Variants in KLHL1 observed in about 807,000 individuals in gnomAD.
The protein encoded by KLHL1 is kelch like family member 1, also known as kelch-like protein 1.
In KLHL1, 47 loss-of-function variants were observed where a neutral mutation model predicts 77.7. The ratio of observed to expected loss-of-function variants is 0.60; its 90% CI spans 0.48 to 0.77. The LOEUF (loss-of-function observed/expected upper bound fraction) is 0.77, where lower values mean the gene tolerates loss of function less well. KLHL1 is among the 30% of genes least tolerant of loss of function. KLHL1 has a pLI of 0.00. For synonymous variants in KLHL1, 360 were observed against 325.2 expected (o/e 1.11, Z -1.15); for missense variants, 925 against 910.8 (o/e 1.02, Z -0.20).
intron 6 of KLHL1, among the ~76,000 whole-genome samples, chr13:69,824,886 T>A (rs776235315): frequency 1.3e-5 from 2 of 152,076 alleles, no homozygotes; most frequent in Non-Finnish European, 2.9e-5. Flanking sequence ...GATTTGCACA[T>A]CTCAATGAAT....
intron 5 of KLHL1, among the ~76,000 whole-genome samples, chr13:69,843,070 A>G (rs1879329502): frequency 6.6e-6 from 1 of 151,650 alleles, no homozygotes; most frequent in African/African-American, 2.4e-5. Flanking sequence ...AAGGAAGCAA[A>G]CTGAGTTAAA....
At chr13:69,984,931 A>T (rs1045760401) in intron 1 of KLHL1, among the ~76,000 whole-genome samples, 8 of 152,096 alleles carry the variant, frequency 5.3e-5, no homozygotes, top group African/African-American at 1.9e-4. Flanking sequence ...CAACATGGAG[A>T]AACCTGGTCT....
intron 1 of KLHL1, among the ~76,000 whole-genome samples, chr13:70,070,817 C>G (rs1373991229): frequency 6.6e-6 from 1 of 152,004 alleles, no homozygotes; most frequent in African/African-American, 2.4e-5. Context: ...GGTACTTCTA[C>G]TACCTGTGAA....
intron 6 of KLHL1, among the ~76,000 whole-genome samples, chr13:69,808,299 T>C (rs1039375957): frequency 1.3e-5 from 2 of 152,118 alleles, no homozygotes; most frequent in African/African-American, 4.8e-5. Context: ...TCCTTCTCTG[T>C]TGCTTCTGTT....
intron 5 of KLHL1, among the ~76,000 whole-genome samples, chr13:69,876,322 G>C (rs375499431): frequency 1.9e-4 from 29 of 152,080 alleles, no homozygotes; most frequent in Non-Finnish European, 2.9e-5. Context: ...TGAAGAGTCC[G>C]TATGTCACTG....
chr13:69,875,669 A>C (rs1440619604), intron 5 of KLHL1, among the ~76,000 whole-genome samples: 1 of 152,108 alleles, frequency 6.6e-6, no homozygotes, highest in African/African-American at 2.4e-5. Context: ...TGCTAACAAA[A>C]CACTTTGTCT....
At chr13:69,911,841 G>T (rs952954366) in intron 4 of KLHL1, among the ~76,000 whole-genome samples, 1 of 152,018 alleles carries the variant, frequency 6.6e-6, no homozygotes, top group Non-Finnish European at 1.5e-5. Flanking sequence ...AAATTTACTT[G>T]TGACATTCCT....
intron 8 of KLHL1, among the ~76,000 whole-genome samples, chr13:69,732,095 A>C (rs963031680): frequency 3.3e-5 from 5 of 152,184 alleles, no homozygotes; most frequent in Non-Finnish European, 5.9e-5. Flanking sequence ...TCGTGTAAGA[A>C]AAGTTAAAAT....
chr13:70,046,313 C>A lies in KLHL1; in HGVS notation c.497+60890G>T, dbSNP rs1481633629. ...GATGGCATAAATTACTGATTTTAAT[C>A]CTCATACTTCCTCTGGAAGGTAAGG... On this transcript the variant is annotated intron_variant, in intron 1 of 10. Coordinates refer to ENST00000377844, the MANE Select transcript of KLHL1 (RefSeq NM_020866.3). 3.9e-5 allele frequency among the ~76,000 whole-genome samples: 6 copies of A among 152,224 alleles called. No individual in the cohort carries two copies. In the East Asian group the frequency reaches 1.2e-3, roughly 29 times the overall value.
rs771360715 is a variant in KLHL1, at chr13:69,740,577, A to T, written c.1640-21T>A. 3.2e-6 allele frequency: 5 copies of T among 1,570,072 alleles called. No individual in the cohort carries two copies. The Admixed American group carries it at 5.1e-5, about 16-fold the overall frequency. ...TACACCTAAAATATTAGATAAATGAATGTAGTGCCTATAGTTAATATCATA... is the reference window on the plus strand; with the variant it reads ...TACACCTAAAATATTAGATAAATGATTGTAGTGCCTATAGTTAATATCATA... On this transcript the variant is annotated intron_variant, in intron 7 of 10. Transcript: ENST00000377844.
At chr13:70,000,703 A>G (rs1276290626) in intron 1 of KLHL1, among the ~76,000 whole-genome samples, 1 of 151,918 alleles carries the variant, frequency 6.6e-6, no homozygotes, top group Non-Finnish European at 1.5e-5. Flanking sequence ...TACTGAACCT[A>G]GAAGTCACAG....
chr13:69,937,461 A>G (rs75795000), intron 4 of KLHL1, among the ~76,000 whole-genome samples: 1 of 152,202 alleles, frequency 6.6e-6, no homozygotes, highest in East Asian at 1.9e-4. Flanking sequence ...TGTTATTCTA[A>G]TCTGTTTCCG....
At chr13:69,929,160 T>C (rs940892597) in intron 4 of KLHL1, among the ~76,000 whole-genome samples, 3 of 152,046 alleles carry the variant, frequency 2.0e-5, no homozygotes, top group Admixed American at 6.6e-5. Context: ...AAGGACCATT[T>C]TGGCGATCTT....
chr13:69,953,909 A>T (rs1883789393), intron 3 of KLHL1, among the ~76,000 whole-genome samples: 1 of 151,248 alleles, frequency 6.6e-6, no homozygotes, highest in Non-Finnish European at 1.5e-5. Flanking sequence ...ATCATAATTG[A>T]GTGTTTGCTG....
At chr13:69,793,029 T>C (rs752100388) in intron 7 of KLHL1, among the ~76,000 whole-genome samples, 14 of 152,104 alleles carry the variant, frequency 9.2e-5, no homozygotes, top group Non-Finnish European at 2.1e-4. Context: ...CTTTATGATA[T>C]GTGAATTATA....
rs1457544809 is a variant in KLHL1, at chr13:69,902,738, C to T, written c.1015-20243G>A. On this transcript the variant is annotated intron_variant, in intron 4 of 10. Coordinates refer to ENST00000377844, the MANE Select transcript of KLHL1 (RefSeq NM_020866.3). ...CACAGACAGAGGAAGGGGAACATCACATATCGGGGTCTGTTGTAGGGTTGG... is the reference window on the plus strand; with the variant it reads ...CACAGACAGAGGAAGGGGAACATCATATATCGGGGTCTGTTGTAGGGTTGG... 2.4e-5 allele frequency among the ~76,000 whole-genome samples: 3 copies of T among 124,462 alleles called. No individual in the cohort carries two copies. The East Asian group carries it at 7.3e-4, about 30-fold the overall frequency. 81.7% of individuals were successfully genotyped at this position (124,462 alleles called of 152,430 possible).
At chr13:69,967,117 G>C (rs753229983) in intron 2 of KLHL1, among the ~76,000 whole-genome samples, 9 of 152,132 alleles carry the variant, frequency 5.9e-5, no homozygotes, top group Non-Finnish European at 1.3e-4. Flanking sequence ...CCTTTGGACA[G>C]ACACTCAGTA....
intron 1 of KLHL1, among the ~76,000 whole-genome samples, chr13:70,102,968 C>T (rs981322061): frequency 9.9e-5 from 15 of 152,108 alleles, no homozygotes; most frequent in Non-Finnish European, 8.8e-5. Flanking sequence ...AATTCACTTA[C>T]AGACAAACAA....
chr13:69,836,331 C>T (rs1878988933), intron 6 of KLHL1, among the ~76,000 whole-genome samples: 1 of 152,026 alleles, frequency 6.6e-6, no homozygotes, highest in Non-Finnish European at 1.5e-5. Context: ...TGGGCGTTTG[C>T]TGATTTCGAA....
Sources: gnomAD v4.1 joint callset for allele counts (sites outside exome capture counted in the v4.1 genomes callset) on GRCh38, gnomAD v4.1.1 for gene constraint, MANE v1.5 for transcripts, NCBI Gene and HGNC (gene_info 2026-07-23, HGNC 2026-07-21) for gene names.